The following ASAP1 variants were observed in gnomAD, a reference collection of about 807,000 sequenced individuals.
ASAP1 encodes arf-GAP with SH3 domain, ANK repeat and PH domain-containing protein 1.
Under a neutral mutation model 145.2 loss-of-function variants are expected in ASAP1, and 43 were observed. The ratio of observed to expected loss-of-function variants is 0.30; its 90% CI spans 0.23 to 0.38. The LOEUF (loss-of-function observed/expected upper bound fraction) is 0.38, where lower values mean the gene tolerates loss of function less well. ASAP1 is among the 10% of genes least tolerant of loss of function. The pLI, the probability that ASAP1 is intolerant of heterozygous loss-of-function variation, is 1.00. For synonymous variants in ASAP1, 546 were observed against 515.5 expected, an observed-to-expected ratio of 1.06 and a Z score of -0.80; for missense variants, 1,018 against 1,355.3, an observed-to-expected ratio of 0.75 and a Z score of 3.91.
At chr8:130,072,897 T>C (rs1405057273) in intron 27 of ASAP1, among the ~76,000 whole-genome samples, 2 of 147,918 alleles carry the variant, frequency 1.4e-5, no homozygotes, top group African/African-American at 2.5e-5. Flanking sequence ...AGGTAGACAG[T>C]GTCGGAACTG....
At chr8:130,377,944 T>A (rs189021776) in intron 2 of ASAP1, among the ~76,000 whole-genome samples, 1 of 152,346 alleles carries the variant, frequency 6.6e-6, no homozygotes, top group Admixed American at 6.5e-5. Context: ...ATTACCCTAT[T>A]TCCAGTGTGC....
intron 5 of ASAP1, among the ~76,000 whole-genome samples, chr8:130,199,939 AATGTTC>A (rs1425273772): frequency 1.3e-5 from 2 of 152,228 alleles, no homozygotes; most frequent in Non-Finnish European, 2.9e-5. Flanking sequence ...GTCCATCCAC[AATGTTC>A]ACTATGAAAC....
chr8:130,266,918 CT>C (rs948755542), intron 3 of ASAP1, among the ~76,000 whole-genome samples: 9 of 151,502 alleles, frequency 5.9e-5, no homozygotes, highest in African/African-American at 2.2e-4. Context: ...TGAAATTATC[CT>C]TAAAATGAAG....
At chr8:130,115,457 C>A in intron 23 of ASAP1, 171 bp downstream of exon 23, 1 of 608,692 alleles carries the variant, frequency 1.6e-6, no homozygotes, top group African/African-American at 1.8e-5. Flanking sequence ...TCTGGACAAC[C>A]TTAATATAGC....
At chr8:130,072,822 T>TGTGTGTGTGTGTGCGCGTGTGC (rs1554816353) in intron 27 of ASAP1, among the ~76,000 whole-genome samples, 599 of 25,960 alleles carry the variant, frequency 0.023, 19 homozygotes, top group Non-Finnish European at 0.034. Context: ...TGTGTGTGTG[T>TGTGTGTGTGTGTGCGCGTGTGC]GTGCGCGCGG....
At chr8:130,131,685 A>C (rs1212465646) in intron 15 of ASAP1, among the ~76,000 whole-genome samples, 1 of 151,586 alleles carries the variant, frequency 6.6e-6, no homozygotes, top group Admixed American at 6.6e-5. Context: ...AGCTACTTGC[A>C]AGGCTGCGAC....
At chr8:130,093,321 A>G (rs2097509630) in intron 24 of ASAP1, among the ~76,000 whole-genome samples, 1 of 152,128 alleles carries the variant, frequency 6.6e-6, no homozygotes, top group Non-Finnish European at 1.5e-5. Flanking sequence ...GCTTTATTTA[A>G]GGTATATGGT....
intron 3 of ASAP1, among the ~76,000 whole-genome samples, chr8:130,243,175 G>A (rs1214850802): frequency 6.6e-6 from 1 of 152,158 alleles, no homozygotes; most frequent in East Asian, 1.9e-4. Flanking sequence ...GAAATGGGAA[G>A]CCTGGTAAGG....
intron 1 of ASAP1, among the ~76,000 whole-genome samples, chr8:130,431,083 G>A (rs1336860181): frequency 1.3e-5 from 2 of 152,182 alleles, no homozygotes; most frequent in African/African-American, 4.8e-5. Flanking sequence ...ACATGACTCA[G>A]CCTTGCCAAC....
At chr8:130,300,960 A>G (rs1012666364) in intron 3 of ASAP1, among the ~76,000 whole-genome samples, 17 of 152,110 alleles carry the variant, frequency 1.1e-4, no homozygotes, top group African/African-American at 3.4e-4. Flanking sequence ...TTGCCATCCT[A>G]TGTCTGGAAG....
chr8:130,135,114 C>T (rs572793818), intron 14 of ASAP1, among the ~76,000 whole-genome samples: 4 of 152,292 alleles, frequency 2.6e-5, no homozygotes, highest in East Asian at 3.9e-4. Context: ...ACTAACATAT[C>T]CTGAGCACTT....
chr8:130,124,229 C>G (rs954196868), intron 17 of ASAP1, 125 bp from the exon 18 acceptor site: 1 of 694,320 alleles, frequency 1.4e-6, no homozygotes, highest in Non-Finnish European at 2.4e-6. Context: ...GAATACAAAC[C>G]ACCGTCCATC....
intron 1 of ASAP1, among the ~76,000 whole-genome samples, chr8:130,442,602 G>A (rs549241926): frequency 6.6e-6 from 1 of 152,258 alleles, no homozygotes; most frequent in African/African-American, 2.4e-5. Context: ...TAACAGAGTA[G>A]ACAGGGGAAA....
chr8:130,218,843 C>T (rs1817097856), intron 4 of ASAP1, among the ~76,000 whole-genome samples: 1 of 132,240 alleles, frequency 7.6e-6, no homozygotes, highest in African/African-American at 2.6e-5. Context: ...CATGTAGTCT[C>T]TTTCCATATA....
At chr8:130,220,628 G>C (rs530030371) in intron 4 of ASAP1, among the ~76,000 whole-genome samples, 178 of 152,266 alleles carry the variant, frequency 1.2e-3, no homozygotes, top group Non-Finnish European at 1.8e-3. Flanking sequence ...CTTGAGCCTA[G>C]GAGTTTGAGA....
chr8:130,343,220 C>T (rs576731247), intron 3 of ASAP1, among the ~76,000 whole-genome samples: 1 of 152,038 alleles, frequency 6.6e-6, no homozygotes, highest in East Asian at 1.9e-4. Flanking sequence ...CCATGGTAAG[C>T]AGGAATTTCA....
At chr8:130,079,796 C>A in intron 26 of ASAP1, 106 bp downstream of exon 26, 1 of 1,204,694 alleles carries the variant, frequency 8.3e-7, no homozygotes. Flanking sequence ...ACTTGGCTGA[C>A]CACAGCTTTG....
chr8:130,373,146 A>G (rs1268756428), intron 2 of ASAP1, among the ~76,000 whole-genome samples: 2 of 148,702 alleles, frequency 1.3e-5, no homozygotes, highest in Non-Finnish European at 3.0e-5. Flanking sequence ...ACACACACAC[A>G]CACAGAGTCT....
intron 5 of ASAP1, among the ~76,000 whole-genome samples, chr8:130,192,080 A>AT (rs1815177513): frequency 6.6e-6 from 1 of 152,046 alleles, no homozygotes; most frequent in African/African-American, 2.4e-5. Flanking sequence ...AGACAAAGGG[A>AT]TTTCTACCAA....
Sources: gnomAD v4.1 joint callset for allele counts (sites outside exome capture counted in the v4.1 genomes callset) on GRCh38, gnomAD v4.1.1 for gene constraint, MANE v1.5 for transcripts, NCBI Gene and HGNC (gene_info 2026-07-23, HGNC 2026-07-21) for gene names.